The following ENTPD5 variants were observed in gnomAD, a reference collection of about 807,000 sequenced individuals.
ENTPD5 encodes ectonucleoside triphosphate diphosphohydrolase 5 (inactive).
A neutral mutation model predicts 60.2 loss-of-function variants in ENTPD5; 49 were observed. The observed-to-expected ratio is 0.81, with a 90% CI of 0.65 to 1.03. The LOEUF (loss-of-function observed/expected upper bound fraction) is 1.03. Ranked by LOEUF, ENTPD5 falls within the 50% of genes least tolerant of loss-of-function variation. The probability of loss-of-function intolerance (pLI) is 0.00; values close to 1 mark genes in which losing one functional copy is unlikely to be tolerated. For synonymous variants in ENTPD5, 187 were observed against 185.4 expected (o/e 1.01, Z -0.07); for missense variants, 480 against 507.6 (o/e 0.95, Z 0.52).
chr14:73,957,106 T>A (rs867103400), downstream of ENTPD5, among the ~76,000 whole-genome samples: 860 of 151,490 alleles, frequency 5.7e-3, 4 homozygotes, highest in South Asian at 0.014. Context: ...TTATTATTTT[T>A]TTTTTTTTGG....
At chr14:73,957,610 T>G (rs1442729866), downstream of ENTPD5, among the ~76,000 whole-genome samples, 3 of 152,018 alleles carry the variant, frequency 2.0e-5, no homozygotes, top group Non-Finnish European at 4.4e-5. Flanking sequence ...GTTAATTTTT[T>G]GTAAAGATGG....
intron 3 of ENTPD5, among the ~76,000 whole-genome samples, chr14:74,003,202 A>G (rs2058564304): frequency 6.6e-6 from 1 of 152,182 alleles, no homozygotes; most frequent in Non-Finnish European, 1.5e-5. Flanking sequence ...AACATACTGG[A>G]AAGCTTACTG....
At chr14:73,977,443 A>C in intron 6 of ENTPD5, 69 bp from the exon 7 acceptor site, 1 of 1,219,168 alleles carries the variant, frequency 8.2e-7, no homozygotes, top group South Asian at 1.3e-5. Context: ...ATATTTTGAC[A>C]GTGTCCTGTA....
downstream of ENTPD5, chr14:73,960,153 A>AT: frequency 1.0e-6 from 1 of 988,526 alleles, no homozygotes; most frequent in Non-Finnish European, 1.2e-6. Context: ...TTCAAGCCTG[A>AT]TTCATTGAAA....
chr14:73,958,160 T>C, downstream of ENTPD5: 3 of 1,614,102 alleles, frequency 1.9e-6, no homozygotes, highest in East Asian at 2.2e-5. Flanking sequence ...GAGTGACGGT[T>C]CTCTACAGGA....
At chr14:74,017,656 C>T (rs1407107734) in intron 1 of ENTPD5, among the ~76,000 whole-genome samples, 4 of 150,684 alleles carry the variant, frequency 2.7e-5, no homozygotes, top group Admixed American at 1.3e-4. Context: ...GAGACCAAGG[C>T]GGGTGGATCA....
Position 74,003,257 on chromosome 14 carries a change from G to C in ENTPD5, c.-71+7834C>G, listed in dbSNP as rs1054939028. 4.1e-5 allele frequency: 15 copies of C among 362,546 alleles called. 1 individual carries two copies. In the Admixed American group the frequency reaches 5.4e-4, roughly 13 times the overall value. The allele number at this position is 362,546 out of a possible 1,614,324, so 22.5% of individuals were successfully genotyped here. On this transcript the variant is annotated intron_variant, in intron 3 of 15. Coordinates refer to ENST00000334696, the MANE Select transcript of ENTPD5 (RefSeq NM_001249.5). ...CTCTGATAGAATATAAGCTCCTCAAGAGCAGAAATCTTTTTGTTTACTGGT... is the reference window on the plus strand; with the variant it reads ...CTCTGATAGAATATAAGCTCCTCAACAGCAGAAATCTTTTTGTTTACTGGT...
At chr14:73,999,405 T>C (rs1192953428) in intron 3 of ENTPD5, among the ~76,000 whole-genome samples, 1 of 152,004 alleles carries the variant, frequency 6.6e-6, no homozygotes, top group East Asian at 1.9e-4. Flanking sequence ...CGAGAATTGC[T>C]TGAACTCAGG....
At position 73,977,056 on chromosome 14, in the gene ENTPD5, A is replaced by G; in HGVS notation, c.521T>C (p.Ile174Thr). The G allele has an allele frequency of 6.2e-7, 1 of 1,613,404 alleles. No homozygotes were observed. The part of the protein sequence containing the change: ...VSIMDGSDEG[I>T]LAWVTVNFLT... ...AAAATTCACAGTAACCCAAGCTAAT[A>G]TGCCTAAAAAGAAAGAAAGACAAGG... Residue 174 changes from isoleucine (I) to threonine (T), a missense_variant, in exon 8 of 16, where the codon ATA becomes ACA. By Grantham distance (89) the Ile-to-Thr change is moderately conservative (BLOSUM62 -1). Coordinates refer to ENST00000334696, the MANE Select transcript of ENTPD5 (RefSeq NM_001249.5).
intron 6 of ENTPD5, among the ~76,000 whole-genome samples, chr14:73,981,328 G>C (rs1436276862): frequency 1.3e-5 from 2 of 151,394 alleles, no homozygotes; most frequent in Non-Finnish European, 2.9e-5. Flanking sequence ...GTGAAACCCT[G>C]TCTCCATTAA....
rs943910993 is a variant in ENTPD5, at chr14:73,965,731, G to C, written c.*1197C>G. On this transcript the variant is annotated 3_prime_UTR_variant, in exon 16 of 16. Coordinates refer to ENST00000334696, the MANE Select transcript of ENTPD5 (RefSeq NM_001249.5). ...GCAAGACTCCATCTCAAAAAAAAGT[G>C]CAAGATAATGAATTTGGGGTAAATA... is the stretch of plus-strand genomic sequence containing the variant. The C allele has an allele frequency of 2.2e-4, 34 of 152,034 alleles. 1 individual carries two copies. Among genetic ancestry groups the C allele is most frequent in the Admixed American group, 1.8e-3 (28 of 15,222 alleles). 9.4% of individuals were successfully genotyped at this position (152,034 alleles called of 1,614,324 possible).
At position 73,966,872 on chromosome 14, in the gene ENTPD5, TCTC is replaced by T. The variant is rs2056993194; in HGVS notation, c.*53_*55del. On this transcript the variant is annotated 3_prime_UTR_variant, in exon 16 of 16. Transcript: ENST00000334696. The stretch of plus-strand genomic sequence containing the variant: ...AGACTAGTTCAGAAACTAAGTGCTC[TCTC>T]CTCCCCTTAAAAAGGTGTTGGCAAA... 1.5e-6 allele frequency: 2 copies of T among 1,338,900 alleles called. No homozygotes were observed. The highest frequency in any genetic ancestry group is 2.9e-5 in the African/African-American group (2 of 69,282). 82.9% of individuals were successfully genotyped at this position (1,338,900 alleles called of 1,614,324 possible).
At chr14:73,971,111 A>G (rs1371397683) in intron 14 of ENTPD5, among the ~76,000 whole-genome samples, 1 of 151,792 alleles carries the variant, frequency 6.6e-6, no homozygotes, top group Non-Finnish European at 1.5e-5. Context: ...CAAGAAATGT[A>G]GAAGGAAAAA....
At chr14:73,973,796 T>C in intron 12 of ENTPD5, 81 bp downstream of exon 12, 1 of 1,219,904 alleles carries the variant, frequency 8.2e-7, no homozygotes, top group Non-Finnish European at 1.2e-6. Flanking sequence ...TTCTCTTGAG[T>C]TCTGGAAAAA....
chr14:74,005,157 T>C (rs1306960366), intron 3 of ENTPD5, among the ~76,000 whole-genome samples: 1 of 150,348 alleles, frequency 6.7e-6, no homozygotes, highest in Non-Finnish European at 1.5e-5. Context: ...TCCCAGCTAC[T>C]CGGGAGGCTG....
Position 73,974,996 on chromosome 14 carries a change from C to G in ENTPD5, c.723-11G>C. 6.2e-7 allele frequency: 1 copy of G among 1,604,634 alleles called. No homozygotes were observed. Among genetic ancestry groups the G allele is most frequent in the Middle Eastern group, 1.7e-4 (1 of 6,042 alleles). On this transcript the variant is annotated splice_polypyrimidine_tract_variant and intron_variant, in intron 10 of 15. Transcript: ENST00000334696. ...CCAAATCCCAGGTAACTGTAAAATA[C>G]AGGATTGACTAATTTCATGCTGGTC...
chr14:73,955,751 T>C (rs917701868), downstream of ENTPD5: 7 of 1,613,526 alleles, frequency 4.3e-6, no homozygotes, highest in Admixed American at 1.2e-4. Flanking sequence ...TGTTTCTGAT[T>C]GGAGTGATGT....
At chr14:73,988,479 GA>G (rs1411093413) in intron 3 of ENTPD5, among the ~76,000 whole-genome samples, 1 of 152,180 alleles carries the variant, frequency 6.6e-6, no homozygotes, top group Non-Finnish European at 1.5e-5. Flanking sequence ...TCAAATCAGA[GA>G]ATCTAGGATA....
intron 5 of ENTPD5, 158 bp downstream of exon 5, chr14:73,986,656 T>G: frequency 1.6e-6 from 1 of 634,230 alleles, no homozygotes; most frequent in Non-Finnish European, 2.8e-6. Flanking sequence ...GCGTGGGAAA[T>G]GTAATTAATT....
Sources: gnomAD v4.1 joint callset for allele counts (sites outside exome capture counted in the v4.1 genomes callset) on GRCh38, gnomAD v4.1.1 for gene constraint, MANE v1.5 for transcripts, NCBI Gene and HGNC (gene_info 2026-07-23, HGNC 2026-07-21) for gene names.